Variants in CAPRIN2 observed in about 807,000 individuals in gnomAD.
CAPRIN2 encodes the protein caprin-2.
In CAPRIN2, 66 loss-of-function variants were observed where a neutral mutation model predicts 130.4. That is an observed-to-expected ratio of 0.51 (90% confidence interval 0.42 to 0.62). The LOEUF (loss-of-function observed/expected upper bound fraction) is 0.62. Ranked by LOEUF, CAPRIN2 falls within the 20% of genes least tolerant of loss-of-function variation. The probability of loss-of-function intolerance (pLI) is 0.00; values close to 1 mark genes in which losing one functional copy is unlikely to be tolerated. For missense variants in CAPRIN2, 1,185 were observed against 1,246.6 expected (o/e 0.95, Z 0.74); for synonymous variants, 471 against 444.1 (o/e 1.06, Z -0.76).
At chr12:30,718,391 G>T (rs2058346154) in intron 12 of CAPRIN2, among the ~76,000 whole-genome samples, 1 of 152,046 alleles carries the variant, frequency 6.6e-6, no homozygotes, top group African/African-American at 2.4e-5. Context: ...TACTCCACTG[G>T]CCCCACTACC....
chr12:30,750,994 T>C, intron 2 of CAPRIN2, 77 bp downstream of exon 3: 1 of 1,031,582 alleles, frequency 9.7e-7, no homozygotes, highest in Non-Finnish European at 1.5e-6. Context: ...CTATAAAGAC[T>C]GATCGCACTA....
chr12:30,753,677 C>T, exon 1 of CAPRIN2: 1 of 1,614,108 alleles, frequency 6.2e-7, no homozygotes. Flanking sequence ...CAATAACTTC[C>T]CTGGAAAGTC....
chr12:30,736,443 TACTTTGATATAGCATCG>T (rs1401192080), intron 3 of CAPRIN2, among the ~76,000 whole-genome samples: 2 of 150,066 alleles, frequency 1.3e-5, no homozygotes, highest in African/African-American at 4.9e-5. Context: ...TGGGTCAAAG[TACTTTGATATAGCATCG>T]ATATTTTAAA....
intron 2 of CAPRIN2, among the ~76,000 whole-genome samples, chr12:30,745,631 A>T (rs2069722004): frequency 6.6e-6 from 1 of 152,204 alleles, no homozygotes; most frequent in South Asian, 2.1e-4. Context: ...CAAATCAAAT[A>T]CAACTGAACC....
At chr12:30,711,481 T>A in intron 16 of CAPRIN2, 85 bp downstream of exon 18, 3 of 1,066,458 alleles carry the variant, frequency 2.8e-6, no homozygotes, top group Non-Finnish European at 4.4e-6. Flanking sequence ...AAAAGCAATG[T>A]GCTTTGGAAA....
Position 30,730,220 on chromosome 12 carries a change from T to C in CAPRIN2, c.1104+19A>G. Reference sequence around the variant, plus strand: ...AGGCTGAAAAATCAACATCAGCAAATTGTCTTTCAGTATCTTACCTCTTGT... The same window carrying C: ...AGGCTGAAAAATCAACATCAGCAAACTGTCTTTCAGTATCTTACCTCTTGT... On this transcript the variant is annotated intron_variant, in intron 7 of 16. Transcript: ENST00000298892. The C allele has an allele frequency of 1.2e-6, 2 of 1,601,146 alleles. No individual in the cohort carries two copies. Among genetic ancestry groups the C allele is most frequent in the Non-Finnish European group, 1.7e-6 (2 of 1,168,458 alleles).
At chr12:30,734,919 G>A (rs756181042) in intron 4 of CAPRIN2, 49 bp downstream of exon 5, 11 of 1,234,108 alleles carry the variant, frequency 8.9e-6, no homozygotes, top group Admixed American at 3.4e-5. Flanking sequence ...CCCCTAAAAA[G>A]CTAAAGTGTC....
chr12:30,728,548 C>T (rs1392919147), intron 8 of CAPRIN2, 100 bp downstream of exon 9: 12 of 900,162 alleles, frequency 1.3e-5, no homozygotes, highest in Non-Finnish European at 1.9e-5. Flanking sequence ...GAGTGTTTCT[C>T]CATCTCAAAA....
chr12:30,718,199 T>A (rs138222501), intron 12 of CAPRIN2, among the ~76,000 whole-genome samples: 118 of 152,356 alleles, frequency 7.7e-4, no homozygotes, highest in African/African-American at 2.7e-3. Flanking sequence ...TGCTTGCTTT[T>A]AATTAGACAA....
chr12:30,726,050 A>C, exon 9 of CAPRIN2: 1 of 1,594,084 alleles, frequency 6.3e-7, no homozygotes, highest in Non-Finnish European at 8.6e-7. Context: ...TCGGAAGGGT[A>C]GAGGAAGAAC....
At chr12:30,723,516 C>A (rs1211075868) in intron 10 of CAPRIN2, among the ~76,000 whole-genome samples, 2 of 152,170 alleles carry the variant, frequency 1.3e-5, no homozygotes, top group African/African-American at 4.8e-5. Context: ...ATCGGTGACA[C>A]AGAGTGATGC....
At chr12:30,754,070 A>C (rs2075224283) in exon 1 of CAPRIN2, 2 of 272,142 alleles carry the variant, frequency 7.3e-6, no homozygotes, top group South Asian at 9.3e-5. Flanking sequence ...AGAAAATCCA[A>C]ACTCACAACA....
chr12:30,716,436 C>T, intron 13 of CAPRIN2, 72 bp downstream of exon 15: 2 of 1,368,300 alleles, frequency 1.5e-6, no homozygotes, highest in Non-Finnish European at 2.1e-6. Context: ...TCACTACAGA[C>T]TTCCTAGACT....
chr12:30,741,138 G>T (rs1441633348), intron 2 of CAPRIN2, 32 bp from the exon 4 acceptor site: 1 of 1,317,512 alleles, frequency 7.6e-7, no homozygotes. Flanking sequence ...CATAAATTTT[G>T]TGACTGTTTA....
intron 9 of CAPRIN2, 122 bp downstream of exon 10, chr12:30,725,844 A>C: frequency 5.4e-6 from 4 of 739,618 alleles, no homozygotes; most frequent in Non-Finnish European, 7.7e-6. Flanking sequence ...CCAGGCTAGG[A>C]GAGCTAGGAG....
At chr12:30,729,312 C>A in exon 8 of CAPRIN2, 1 of 1,558,792 alleles carries the variant, frequency 6.4e-7, no homozygotes, top group Non-Finnish European at 8.6e-7. Flanking sequence ...TGTCATATAG[C>A]GTCTGTTAAG....
At chr12:30,714,693 C>T (rs949321837) in intron 14 of CAPRIN2, among the ~76,000 whole-genome samples, 1 of 152,156 alleles carries the variant, frequency 6.6e-6, no homozygotes, top group African/African-American at 2.4e-5. Context: ...AAACATTACT[C>T]AAATATGAAA....
chr12:30,753,956 A>G lies in CAPRIN2; in HGVS notation c.-193T>C. ...ATAATTCCCATGGCCACGTGATGACACCAAAAGAATAAGCTTTCCACACCG... is the reference window on the plus strand; with the variant it reads ...ATAATTCCCATGGCCACGTGATGACGCCAAAAGAATAAGCTTTCCACACCG... On this transcript the variant is annotated 5_prime_UTR_variant, in exon 1 of 17. Coordinates refer to ENST00000298892, the Ensembl canonical transcript of CAPRIN2. 3 of 580,354 alleles carry G rather than the reference A, an allele frequency of 5.2e-6. No homozygotes were observed. The South Asian group carries it at 7.2e-5, about 14-fold the overall frequency. 36.0% of individuals were successfully genotyped at this position (580,354 alleles called of 1,614,324 possible).
intron 12 of CAPRIN2, among the ~76,000 whole-genome samples, chr12:30,718,358 G>A (rs1005697902): frequency 1.3e-5 from 2 of 152,098 alleles, no homozygotes; most frequent in Non-Finnish European, 2.9e-5. Context: ...CCGATCTCCC[G>A]GGGTGGTGCC....
Sources: allele counts gnomAD v4.1 joint callset (sites outside exome capture counted in the v4.1 genomes callset), GRCh38; gene constraint gnomAD v4.1.1; transcripts MANE v1.5; gene names NCBI Gene and HGNC (gene_info 2026-07-23, HGNC 2026-07-21).